The following ACSF3 variants were observed in gnomAD, a reference collection of about 807,000 sequenced individuals.
The protein encoded by ACSF3 is malonate--CoA ligase ACSF3, mitochondrial.
ACSF3 carries 78 observed loss-of-function variants against 53.2 expected under a neutral mutation model. The observed-to-expected ratio is 1.47, with a 90% CI of 1.22 to 1.77. The LOEUF (loss-of-function observed/expected upper bound fraction) is 1.77. Ranked by LOEUF, ACSF3 falls within the 40% of genes most tolerant of loss-of-function variation. The pLI is 0.00. For synonymous variants in ACSF3, 414 were observed against 333.1 expected, an observed-to-expected ratio of 1.24 and a Z score of -2.65; for missense variants, 937 against 771.1, an observed-to-expected ratio of 1.22 and a Z score of -2.55.
rs77687230 is a variant in ACSF3 at position 89,104,280 on chromosome 16, C to T, written c.822+1521C>T. Among the ~76,000 whole-genome samples the T allele has an allele frequency of 5.3e-3, 814 of 152,356 alleles. 26 individuals carry two copies. The East Asian group carries it at 0.1, about 19-fold the overall frequency. ...ATGGAAAAGCCCTTAGAATTTGGAT[C>T]GTATCATGATGGTTCTCAGCACAGA... is the stretch of plus-strand genomic sequence containing the variant. On this transcript the variant is annotated intron_variant, in intron 4 of 10. Transcript: ENST00000614302.
chr16:89,124,047 A>T (rs1907336212), intron 7 of ACSF3, among the ~76,000 whole-genome samples: 1 of 151,054 alleles, frequency 6.6e-6, no homozygotes, highest in Non-Finnish European at 1.5e-5. Context: ...TATCACACAC[A>T]TGCAGTGCAT....
At chr16:89,139,083 G>A (rs1040231917) in intron 8 of ACSF3, among the ~76,000 whole-genome samples, 3 of 152,224 alleles carry the variant, frequency 2.0e-5, no homozygotes, top group African/African-American at 4.8e-5. Flanking sequence ...CCTCAGGCAC[G>A]GCCCGGCTCA....
At chr16:89,141,784 G>A (rs968556776) in intron 8 of ACSF3, among the ~76,000 whole-genome samples, 1 of 152,202 alleles carries the variant, frequency 6.6e-6, no homozygotes, top group Non-Finnish European at 1.5e-5. Context: ...GATGCCCAGG[G>A]TGGGAAGGAC....
Position 89,146,048 on chromosome 16 carries a change from A to AG in ACSF3, c.1613+1dup. 1 of 526,230 alleles carries AG rather than the reference A, an allele frequency of 1.9e-6. No homozygotes were observed. The highest frequency in any genetic ancestry group is 3.5e-6 in the Non-Finnish European group (1 of 286,358). 32.6% of individuals were successfully genotyped at this position (526,230 alleles called of 1,614,324 possible). A position where few individuals can be genotyped will look rare whatever the true frequency, so the allele number is the denominator to read the frequency against. On this transcript the variant is annotated frameshift_variant and splice_region_variant, in exon 10 of 11. Transcript: ENST00000614302. LOFTEE classifies it high-confidence loss of function. The stretch of plus-strand genomic sequence containing the variant: ...CCACAGGGAGCTCAAAGAGTGGGCC[A>AG]GGTAGGGCTGGGTGGGGCGGGCAGG...
At chr16:89,103,647 A>G (rs995505037) in intron 4 of ACSF3, among the ~76,000 whole-genome samples, 2 of 152,198 alleles carry the variant, frequency 1.3e-5, no homozygotes, top group Non-Finnish European at 2.9e-5. Flanking sequence ...CCTTTGAGCT[A>G]TGATGTGGCC....
chr16:89,094,007 C>A lies in ACSF3; in HGVS notation c.-194+11C>A, dbSNP rs1974313325. On this transcript the variant is annotated intron_variant, in intron 1 of 10. Coordinates refer to ENST00000614302, the MANE Select transcript of ACSF3 (RefSeq NM_001243279.3). Reference sequence around the variant, plus strand: ...GCGGCCGTCTCGTAGGTGCGGGCGGCGGGGCCCACGGGACCGCGGCGGGGT... The same window carrying A: ...GCGGCCGTCTCGTAGGTGCGGGCGGAGGGGCCCACGGGACCGCGGCGGGGT... 1 of 169,270 alleles carries A rather than the reference C, an allele frequency of 5.9e-6. No individual in the cohort carries two copies. 10.5% of individuals were successfully genotyped at this position (169,270 alleles called of 1,614,324 possible).
intron 7 of ACSF3, among the ~76,000 whole-genome samples, chr16:89,132,242 C>T (rs1048190432): frequency 2.0e-4 from 31 of 152,220 alleles, no homozygotes; most frequent in Non-Finnish European, 4.4e-5. Context: ...TGTACGCATC[C>T]CTTGACCTCC....
intron 7 of ACSF3, among the ~76,000 whole-genome samples, chr16:89,132,010 G>A (rs1486470930): frequency 6.6e-6 from 1 of 152,162 alleles, no homozygotes; most frequent in Non-Finnish European, 1.5e-5. Context: ...TTTCACCCCC[G>A]TGGGTGGCGT....
At chr16:89,123,296 C>T (rs1280803863) in intron 7 of ACSF3, among the ~76,000 whole-genome samples, 3 of 152,158 alleles carry the variant, frequency 2.0e-5, no homozygotes. Context: ...TGATGATGGG[C>T]GCTGTGAACT....
intron 1 of ACSF3, chr16:89,095,173 C>G (rs1974466728): frequency 6.6e-6 from 1 of 152,202 alleles, no homozygotes. Flanking sequence ...AAGCCTGGCT[C>G]AGGCTGGTGT....
At chr16:89,102,938 G>C (rs944091083) in intron 4 of ACSF3, among the ~76,000 whole-genome samples, 179 bp downstream of exon 4, 1 of 152,222 alleles carries the variant, frequency 6.6e-6, no homozygotes, top group African/African-American at 2.4e-5. Flanking sequence ...CTATCCACAG[G>C]GGACGTGCCA....
At chr16:89,144,540 T>C (rs1912517665) in intron 8 of ACSF3, among the ~76,000 whole-genome samples, 1 of 152,152 alleles carries the variant, frequency 6.6e-6, no homozygotes. Context: ...CCCACCGTGG[T>C]GGGATGTTGT....
intron 6 of ACSF3, chr16:89,115,301 G>T (rs1904915787): frequency 6.6e-6 from 1 of 152,460 alleles, no homozygotes; most frequent in Non-Finnish European, 1.5e-5. Context: ...CCTCGCCTCA[G>T]AAACTCCCTT....
chr16:89,136,214 C>T (rs1052571724), intron 8 of ACSF3, among the ~76,000 whole-genome samples: 3 of 152,228 alleles, frequency 2.0e-5, no homozygotes, highest in African/African-American at 7.2e-5. Context: ...TGCGGGGCTG[C>T]GAGCGTGGAA....
rs558325262 is a variant in ACSF3 at position 89,112,088 on chromosome 16, G to A, written c.823-4G>A. Reference sequence around the variant, plus strand: ...TCCTACCGAGTGCTTCCTTTCCTTCGTAGGTTTGGGAAAAGTTCTTAAGTT... The same window carrying A: ...TCCTACCGAGTGCTTCCTTTCCTTCATAGGTTTGGGAAAAGTTCTTAAGTT... On this transcript the variant is annotated splice_polypyrimidine_tract_variant and splice_region_variant and intron_variant, in intron 4 of 10. Transcript: ENST00000614302. 1.5e-5 allele frequency: 24 copies of A among 1,613,924 alleles called. No individual in the cohort carries two copies. In the East Asian group the frequency reaches 1.8e-4, roughly 12 times the overall value.
chr16:89,146,345 A>C (rs538802457), intron 10 of ACSF3, among the ~76,000 whole-genome samples: 4 of 152,144 alleles, frequency 2.6e-5, no homozygotes, highest in East Asian at 3.9e-4. Context: ...GTCCCAGGAG[A>C]GATCCCGGAT....
At chr16:89,113,135 C>T (rs1904343533) in intron 5 of ACSF3, 1 of 152,268 alleles carries the variant, frequency 6.6e-6, no homozygotes, top group Admixed American at 6.5e-5. Context: ...CACAGGCCCG[C>T]ACCTCCAGCA....
chr16:89,120,860 A>C lies in ACSF3; in HGVS notation c.1186A>C (p.Arg396=), dbSNP rs1289843485. 1.9e-6 allele frequency: 3 copies of C among 1,614,116 alleles called. No individual in the cohort carries two copies. The highest frequency in any genetic ancestry group is 2.5e-6 in the Non-Finnish European group (3 of 1,180,008). Residue 396 remains arginine, a synonymous_variant, in exon 7 of 11, where the codon AGG becomes CGG. Transcript: ENST00000614302. ...QVRIVSENPQ[R]EACSYTIHAE... ...GCGCATTGTCTCAGAAAACCCACAG[A>C]GGGAAGCCTGCTCCTACACCATCCA...
chr16:89,094,126 C>G (rs1393448146), intron 1 of ACSF3, 130 bp downstream of exon 1: 4 of 151,488 alleles, frequency 2.6e-5, no homozygotes. Flanking sequence ...CGGTCGCTTC[C>G]CCGCGAGCCG....
Sources: gnomAD v4.1 joint callset for allele counts (sites outside exome capture counted in the v4.1 genomes callset) on GRCh38, gnomAD v4.1.1 for gene constraint, MANE v1.5 for transcripts, NCBI Gene and HGNC (gene_info 2026-07-23, HGNC 2026-07-21) for gene names.